The following ZNF430 variants were observed in gnomAD, a reference collection of about 807,000 sequenced individuals.
ZNF430 encodes zinc finger protein 430.
A neutral mutation model predicts 56.7 loss-of-function variants in ZNF430; 35 were observed. That is an observed-to-expected ratio of 0.62 (90% CI 0.47 to 0.82). ZNF430 has a LOEUF of 0.82. ZNF430 is among the 40% of genes least tolerant of loss of function. The pLI, the probability that ZNF430 is intolerant of heterozygous loss-of-function variation, is 0.00. For synonymous variants in ZNF430, 212 were observed against 224.3 expected (o/e 0.94, Z 0.49); for missense variants, 574 against 661.0 (o/e 0.87, Z 1.44).
intron 4 of ZNF430, among the ~76,000 whole-genome samples, chr19:21,053,948 T>C (rs551776547): frequency 4.9e-4 from 74 of 152,242 alleles, no homozygotes; most frequent in African/African-American, 1.7e-3. Context: ...TTGTGCTATC[T>C]TGGGGATTAC....
intron 4 of ZNF430, among the ~76,000 whole-genome samples, chr19:21,054,775 C>T (rs946105971): frequency 6.7e-6 from 1 of 149,138 alleles, no homozygotes; most frequent in Non-Finnish European, 1.5e-5. Flanking sequence ...CCCCGGTTCA[C>T]GCCATTCTCC....
chr19:21,023,749 A>G (rs1448914391), intron 2 of ZNF430, among the ~76,000 whole-genome samples: 7 of 152,214 alleles, frequency 4.6e-5, no homozygotes, highest in African/African-American at 1.7e-4. Context: ...TAAATTTGTG[A>G]CAGTAAACAT....
In ZNF430 at chr19:21,059,546, A is replaced by C; in HGVS notation, c.*1525A>C. On this transcript the variant is annotated 3_prime_UTR_variant, in exon 5 of 5. Coordinates refer to ENST00000261560, the MANE Select transcript of ZNF430 (RefSeq NM_025189.4). Reference sequence around the variant, plus strand: ...CAACAAGAGTGAAACTCCATTTCAAAAAAAAAAAAAAAAAAACAACTAAAG... The same window carrying C: ...CAACAAGAGTGAAACTCCATTTCAACAAAAAAAAAAAAAAAACAACTAAAG... The C allele has an allele frequency of 8.5e-5, 1 of 11,732 alleles. No individual in the cohort carries two copies. Among genetic ancestry groups the C allele is most frequent in the Admixed American group, 2.2e-3 (1 of 454 alleles). 0.7% of individuals were successfully genotyped at this position (11,732 alleles called of 1,614,324 possible).
At chr19:21,024,365 TA>T (rs2144748150) in intron 2 of ZNF430, among the ~76,000 whole-genome samples, 1 of 152,292 alleles carries the variant, frequency 6.6e-6, no homozygotes, top group East Asian at 1.9e-4. Context: ...AGATTTATGT[TA>T]AAAATTTGAA....
At position 21,057,916 on chromosome 19, in the gene ZNF430, T is replaced by A; in HGVS notation, c.1608T>A (p.Thr536=). 6.2e-7 allele frequency: 1 copy of A among 1,613,784 alleles called. No homozygotes were observed. The highest frequency in any genetic ancestry group is 8.5e-7 in the Non-Finnish European group (1 of 1,179,926). ...STLTKHKVIH[T]GEKPYNCEEY... The stretch of plus-strand genomic sequence containing the variant: ...TTACTAAACATAAGGTAATTCATAC[T>A]GGAGAGAAACCCTACAACTGTGAAG... Residue 536 remains threonine, a synonymous_variant, in exon 5 of 5, where the codon ACT becomes ACA. Transcript: ENST00000261560.
At chr19:21,044,160 A>G (rs1968150990) in intron 4 of ZNF430, among the ~76,000 whole-genome samples, 1 of 151,986 alleles carries the variant, frequency 6.6e-6, no homozygotes, top group Admixed American at 6.6e-5. Flanking sequence ...TTGTTGTGCC[A>G]GTTTTCAAGG....
Position 21,057,152 on chromosome 19 carries a change from A to G in ZNF430, c.844A>G (p.Ile282Val), listed in dbSNP as rs1315262935. ...QSSTLTTHKIIHTGEKPYRCE... is the reference protein window; with the variant it reads ...QSSTLTTHKIVHTGEKPYRCE... The stretch of plus-strand genomic sequence containing the variant: ...CTCAACCCTTACTACACATAAGATA[A>G]TTCATACTGGAGAGAAACCCTACAG... Residue 282 changes from isoleucine (I) to valine (V), a missense_variant, in exon 5 of 5, where the codon ATT (isoleucine) becomes GTT (valine). Transcript: ENST00000261560. 5 of 1,614,024 alleles carry G rather than the reference A, an allele frequency of 3.1e-6. No individual in the cohort carries two copies. In the South Asian group the frequency reaches 5.5e-5, roughly 18 times the overall value.
intron 4 of ZNF430, among the ~76,000 whole-genome samples, chr19:21,048,741 A>T (rs1240491218): frequency 1.3e-5 from 2 of 151,642 alleles, no homozygotes; most frequent in African/African-American, 2.4e-5. Context: ...GGGGCTCCTC[A>T]CTTCCCAGAA....
chr19:21,040,737 G>T (rs892607579), intron 4 of ZNF430, among the ~76,000 whole-genome samples: 15 of 151,986 alleles, frequency 9.9e-5, no homozygotes, highest in Non-Finnish European at 1.6e-4. Context: ...TTGCAAATGG[G>T]ATCTTGATGT....
At position 21,048,348 on chromosome 19, in the gene ZNF430, T is replaced by C. The variant is rs555858025; in HGVS notation, c.323-8283T>C. ...ACCCTGCGGCCTTCCGCAGTGTTTG[T>C]GTCCCTGGGTACTTGAGATTAGGGA... On this transcript the variant is annotated intron_variant, in intron 4 of 4. Transcript: ENST00000261560. Among the ~76,000 whole-genome samples, 9 of 150,988 alleles carry C rather than the reference T, an allele frequency of 6.0e-5. No homozygotes were observed. The South Asian group carries it at 1.9e-3, about 32-fold the overall frequency.
intron 1 of ZNF430, among the ~76,000 whole-genome samples, chr19:21,021,612 G>T (rs1265958457): frequency 6.6e-6 from 1 of 152,080 alleles, no homozygotes; most frequent in African/African-American, 2.4e-5. Flanking sequence ...TTCATGGCGG[G>T]GCTTGAAGGA....
At position 21,057,349 on chromosome 19, in the gene ZNF430, T is replaced by C; in HGVS notation, c.1041T>C (p.Cys347=). ...IIHTGEKPYK[C]EECGKAFNQS... is the part of the protein sequence containing the mutation. Reference sequence around the variant, plus strand: ...ATACTGGAGAGAAACCCTACAAATGTGAAGAATGTGGCAAAGCTTTTAACC... The same window carrying C: ...ATACTGGAGAGAAACCCTACAAATGCGAAGAATGTGGCAAAGCTTTTAACC... Residue 347 remains cysteine (C), a synonymous_variant, in exon 5 of 5, where the codon TGT becomes TGC. Coordinates refer to ENST00000261560, the MANE Select transcript of ZNF430 (RefSeq NM_025189.4). 6.2e-7 allele frequency: 1 copy of C among 1,613,498 alleles called. No homozygotes were observed. Among genetic ancestry groups the C allele is most frequent in the Non-Finnish European group, 8.5e-7 (1 of 1,179,994 alleles).
intron 2 of ZNF430, among the ~76,000 whole-genome samples, chr19:21,027,303 T>C (rs535048124): frequency 2.9e-4 from 44 of 152,316 alleles, no homozygotes; most frequent in African/African-American, 1.0e-3. Flanking sequence ...TGTCTCATTG[T>C]TTTGAAGTAT....
chr19:21,026,477 G>A (rs1354594517), intron 2 of ZNF430, among the ~76,000 whole-genome samples: 2 of 151,930 alleles, frequency 1.3e-5, no homozygotes, highest in East Asian at 3.9e-4. Context: ...GTGAGCCACC[G>A]TGCCCGGCCA....
chr19:21,033,738 T>A, intron 3 of ZNF430, 156 bp downstream of exon 3: 1 of 901,798 alleles, frequency 1.1e-6, no homozygotes, highest in Non-Finnish European at 1.6e-6. Context: ...AGGAAAGAAT[T>A]TTTTCAAGAA....
At position 21,056,676 on chromosome 19, in the gene ZNF430, T is replaced by C; in HGVS notation, c.368T>C (p.Ile123Thr). 6.3e-7 allele frequency: 1 copy of C among 1,588,216 alleles called. No homozygotes were observed. The highest frequency in any genetic ancestry group is 8.6e-7 in the Non-Finnish European group (1 of 1,167,152). ...FAQDLWPEQG[I>T]KDSFQEVILR... Reference sequence around the variant, plus strand: ...CAAGACCTTTGGCCAGAGCAGGGCATAAAAGATTCTTTCCAAGAAGTCATA... The same window carrying C: ...CAAGACCTTTGGCCAGAGCAGGGCACAAAAGATTCTTTCCAAGAAGTCATA... Residue 123 changes from isoleucine (I) to threonine (T), a missense_variant, in exon 5 of 5, where the codon ATA becomes ACA. Physicochemically the swap from Ile to Thr is moderately conservative, Grantham distance 89. Around this residue, in one of 3 missense-constraint regions of ZNF430, gnomAD observed 346 missense variants for 399.1 expected, o/e 0.87. Transcript: ENST00000261560.
chr19:21,057,491 C>G lies in ZNF430; in HGVS notation c.1183C>G (p.His395Asp). The change falls in exon 5 of 5, where the codon CAT becomes GAT. Residue 395 changes from histidine to aspartate, a missense_variant. Physicochemically the swap from His to Asp is moderately conservative, Grantham distance 81 (BLOSUM62 -1). Coordinates refer to ENST00000261560, the MANE Select transcript of ZNF430 (RefSeq NM_025189.4). ...ATACCTTACTAAACATAAGATAATT[C>G]ATACTGGAGAGAAATTCTACAAATG... ...FSYLTKHKII[H>D]TGEKFYKCEE... 3 of 1,613,560 alleles carry G rather than the reference C, an allele frequency of 1.9e-6. No homozygotes were observed. Among genetic ancestry groups the G allele is most frequent in the Non-Finnish European group, 2.5e-6 (3 of 1,179,918 alleles).
intron 4 of ZNF430, among the ~76,000 whole-genome samples, chr19:21,042,274 C>G (rs1968115770): frequency 1.3e-5 from 2 of 152,138 alleles, no homozygotes; most frequent in Non-Finnish European, 2.9e-5. Flanking sequence ...TGAACATACA[C>G]ATCCACATAT....
intron 4 of ZNF430, among the ~76,000 whole-genome samples, chr19:21,043,939 AT>A (rs1405907522): frequency 6.7e-6 from 1 of 149,624 alleles, no homozygotes; most frequent in Non-Finnish European, 1.5e-5. Context: ...TTGCACATTG[AT>A]TTTGTATCCT....
Sources: allele counts gnomAD v4.1 joint callset (sites outside exome capture counted in the v4.1 genomes callset), GRCh38; gene constraint gnomAD v4.1.1; regional missense constraint gnomAD v4.1.1; transcripts MANE v1.5; gene names NCBI Gene and HGNC (gene_info 2026-07-23, HGNC 2026-07-21).